Variants in FBXL17 observed in about 807,000 individuals in gnomAD.
The protein encoded by FBXL17 is F-box/LRR-repeat protein 17.
A neutral mutation model predicts 66.2 loss-of-function variants in FBXL17; 22 were observed. The observed-to-expected ratio is 0.33, with a 90% confidence interval of 0.24 to 0.47. FBXL17 has a LOEUF of 0.47. FBXL17 is among the 20% of genes least tolerant of loss of function. The probability of loss-of-function intolerance (pLI) is 1.00; values close to 1 mark genes in which losing one functional copy is unlikely to be tolerated. For missense variants in FBXL17, 878 were observed against 948.2 expected (o/e 0.93, Z 0.97); for synonymous variants, 474 against 400.5 (o/e 1.18, Z -2.19).
At chr5:107,989,409 T>C (rs577592821) in intron 7 of FBXL17, among the ~76,000 whole-genome samples, 1 of 152,134 alleles carries the variant, frequency 6.6e-6, no homozygotes, top group Non-Finnish European at 1.5e-5. Flanking sequence ...GCCTGGTTTA[T>C]TTCACTTAAC....
At chr5:108,296,256 AG>A (rs1343461900) in intron 4 of FBXL17, among the ~76,000 whole-genome samples, 2 of 151,890 alleles carry the variant, frequency 1.3e-5, no homozygotes, top group African/African-American at 4.8e-5. Flanking sequence ...TAAGTGGATA[AG>A]GAAAAAGCAA....
chr5:107,878,418 A>T lies in FBXL17; in HGVS notation c.1965+2619T>A, dbSNP rs1056570746. On this transcript the variant is annotated intron_variant, in intron 8 of 8. Coordinates refer to ENST00000542267, the MANE Select transcript of FBXL17 (RefSeq NM_001163315.3). ...TATTCTAAGTGCTTTATGTATGTTA[A>T]CTCATTCACATGCTCACAATTCTAC... The T allele has an allele frequency of 1.1e-5, 7 of 623,440 alleles. No homozygotes were observed. In the Middle Eastern group the frequency reaches 2.5e-3, roughly 222 times the overall value. 38.6% of individuals were successfully genotyped at this position (623,440 alleles called of 1,614,324 possible). A position where few individuals can be genotyped will look rare whatever the true frequency, so the allele number is the denominator to read the frequency against.
chr5:107,990,679 T>C (rs1042148111), intron 7 of FBXL17, among the ~76,000 whole-genome samples: 1 of 152,182 alleles, frequency 6.6e-6, no homozygotes, highest in Non-Finnish European at 1.5e-5. Context: ...GCTCAATAAA[T>C]ATTAGTTACT....
intron 4 of FBXL17, among the ~76,000 whole-genome samples, chr5:108,232,022 G>A (rs907188482): frequency 3.9e-5 from 6 of 152,210 alleles, no homozygotes; most frequent in African/African-American, 1.4e-4. Context: ...AAGGAATACA[G>A]AATGGGTAGC....
At chr5:108,318,244 CAAT>C (rs1392713440) in intron 4 of FBXL17, among the ~76,000 whole-genome samples, 2 of 151,748 alleles carry the variant, frequency 1.3e-5, no homozygotes, top group Admixed American at 1.3e-4. Flanking sequence ...AGTAACAGAA[CAAT>C]AATACACCCA....
In FBXL17 at chr5:108,380,822, C is replaced by T; in HGVS notation, c.870G>A (p.Gln290=). The change falls in exon 1 of 9, where the codon CAG becomes CAA. Residue 290 remains glutamine, a synonymous_variant. Coordinates refer to ENST00000542267, the MANE Select transcript of FBXL17 (RefSeq NM_001163315.3). ...RAGGTAPLSA[Q]QQHECGDADC... ...CCGCGTCGCCACATTCATGCTGCTGCTGGGCGGACAAGGGGGCGGTGCCCC... is the reference window on the plus strand; with the variant it reads ...CCGCGTCGCCACATTCATGCTGCTGTTGGGCGGACAAGGGGGCGGTGCCCC... 1.6e-6 allele frequency: 2 copies of T among 1,248,142 alleles called. No individual in the cohort carries two copies. Among genetic ancestry groups the T allele is most frequent in the South Asian group, 8.2e-5 (2 of 24,478 alleles). 77.3% of individuals were successfully genotyped at this position (1,248,142 alleles called of 1,614,324 possible).
intron 7 of FBXL17, among the ~76,000 whole-genome samples, chr5:107,997,192 A>G (rs1753508824): frequency 6.6e-6 from 1 of 152,184 alleles, no homozygotes; most frequent in Non-Finnish European, 1.5e-5. Context: ...TACTGTTTAC[A>G]TTGTATCCTT....
chr5:107,878,136 G>A, intron 8 of FBXL17: 1 of 627,476 alleles, frequency 1.6e-6, no homozygotes, highest in Non-Finnish European at 2.0e-6. Flanking sequence ...AAAGTGTGTA[G>A]AAAGTGTAAT....
chr5:108,239,490 C>T (rs889004658), intron 4 of FBXL17, among the ~76,000 whole-genome samples: 3 of 152,150 alleles, frequency 2.0e-5, no homozygotes, highest in Admixed American at 6.5e-5. Flanking sequence ...ACTACGCTGG[C>T]GCCTATGGAG....
At chr5:108,355,392 A>G (rs1213922011) in intron 3 of FBXL17, among the ~76,000 whole-genome samples, 12 of 151,842 alleles carry the variant, frequency 7.9e-5, no homozygotes, top group African/African-American at 9.7e-5. Flanking sequence ...AGGTTCAAGC[A>G]ATTCTTGTGC....
chr5:108,114,059 A>T (rs1561416884), intron 6 of FBXL17, among the ~76,000 whole-genome samples: 1 of 152,218 alleles, frequency 6.6e-6, no homozygotes, highest in African/African-American at 2.4e-5. Flanking sequence ...TTATACAAAA[A>T]GACTTGTGGC....
intron 7 of FBXL17, among the ~76,000 whole-genome samples, chr5:108,012,927 A>G (rs1013747216): frequency 1.1e-4 from 17 of 151,406 alleles, no homozygotes; most frequent in Non-Finnish European, 2.4e-4. Context: ...AAGCAGGAGA[A>G]TCGCTTGAAC....
chr5:107,958,869 T>A (rs935404968), intron 7 of FBXL17, among the ~76,000 whole-genome samples: 1 of 152,206 alleles, frequency 6.6e-6, no homozygotes. Flanking sequence ...AAGAAAATAA[T>A]GGAAAAATTA....
chr5:107,878,528 G>A (rs955825946), intron 8 of FBXL17: 2 of 884,914 alleles, frequency 2.3e-6, no homozygotes, highest in African/African-American at 1.8e-5. Context: ...GACACAACTA[G>A]TAAGTGCAAA....
At chr5:108,347,013 G>A (rs1290978480) in intron 4 of FBXL17, among the ~76,000 whole-genome samples, 3 of 152,118 alleles carry the variant, frequency 2.0e-5, no homozygotes, top group Non-Finnish European at 2.9e-5. Flanking sequence ...CTTCTTTGTA[G>A]TATACTACAC....
chr5:108,258,334 A>C (rs1756665063), intron 4 of FBXL17, among the ~76,000 whole-genome samples: 1 of 152,172 alleles, frequency 6.6e-6, no homozygotes, highest in African/African-American at 2.4e-5. Context: ...CTGAGAAAAT[A>C]AATTTCTGTT....
intron 8 of FBXL17, among the ~76,000 whole-genome samples, chr5:107,877,447 T>C (rs752228860): frequency 2.0e-5 from 3 of 152,144 alleles, no homozygotes; most frequent in Non-Finnish European, 1.5e-5. Context: ...CTACAACAAA[T>C]ACAATGCATT....
chr5:107,976,318 T>C (rs915914169), intron 7 of FBXL17, among the ~76,000 whole-genome samples: 2 of 152,190 alleles, frequency 1.3e-5, no homozygotes, highest in Non-Finnish European at 2.9e-5. Context: ...ATGTCTGAAA[T>C]AGGGAGGAAA....
intron 4 of FBXL17, among the ~76,000 whole-genome samples, chr5:108,272,294 A>T (rs113408815): frequency 1.2e-3 from 178 of 152,148 alleles, no homozygotes; most frequent in Middle Eastern, 3.4e-3. Flanking sequence ...ATCTCCAAAA[A>T]AAATAAATAA....
Sources: allele counts gnomAD v4.1 joint callset (sites outside exome capture counted in the v4.1 genomes callset), GRCh38; gene constraint gnomAD v4.1.1; transcripts MANE v1.5; gene names NCBI Gene and HGNC (gene_info 2026-07-23, HGNC 2026-07-21).